Variants in MPDZ observed in about 807,000 individuals in gnomAD.
The protein encoded by MPDZ is multiple PDZ domain crumbs cell polarity complex component, also known as multiple PDZ domain protein.
Under a neutral mutation model 239.1 loss-of-function variants are expected in MPDZ, and 234 were observed. The ratio of observed to expected loss-of-function variants is 0.98; its 90% CI spans 0.88 to 1.09. MPDZ has a LOEUF of 1.09. Ranked by LOEUF, MPDZ falls within the 50% of genes least tolerant of loss-of-function variation. The probability of loss-of-function intolerance (pLI) is 0.00; values close to 1 mark genes in which losing one functional copy is unlikely to be tolerated. For missense variants in MPDZ, 3,175 were observed against 2,510.0 expected (o/e 1.26, Z -5.66); for synonymous variants, 1,048 against 881.3 (o/e 1.19, Z -3.35).
intron 8 of MPDZ, 51 bp from the exon 9 acceptor site, chr9:13,217,345 AAAAC>A: frequency 8.7e-7 from 1 of 1,143,818 alleles, no homozygotes; most frequent in Non-Finnish European, 1.2e-6. Flanking sequence ...AAAAAAACAA[AAAAC>A]AAAAAACAAA....
intron 23 of MPDZ, among the ~76,000 whole-genome samples, chr9:13,158,736 A>C (rs936880668): frequency 2.6e-5 from 4 of 152,198 alleles, no homozygotes; most frequent in African/African-American, 9.6e-5. Flanking sequence ...CCGTTTATGT[A>C]GCAATTTAGA....
intron 3 of MPDZ, among the ~76,000 whole-genome samples, chr9:13,236,702 A>G (rs914947369): frequency 2.6e-5 from 4 of 152,106 alleles, no homozygotes; most frequent in Non-Finnish European, 5.9e-5. Flanking sequence ...ATTTCATAAA[A>G]TATTTATGAA....
intron 35 of MPDZ, among the ~76,000 whole-genome samples, chr9:13,124,855 G>A (rs1944887909): frequency 1.3e-5 from 2 of 152,066 alleles, no homozygotes; most frequent in African/African-American, 2.4e-5. Flanking sequence ...AAGAATCTAC[G>A]AAATGATATT....
chr9:13,250,728 C>T (rs958900304), intron 1 of MPDZ, among the ~76,000 whole-genome samples: 1 of 150,022 alleles, frequency 6.7e-6, no homozygotes, highest in East Asian at 2.0e-4. Context: ...GCTTACTTAA[C>T]TCCACATAAG....
chr9:13,165,288 A>G, intron 22 of MPDZ: 1 of 1,445,884 alleles, frequency 6.9e-7, no homozygotes, highest in East Asian at 2.5e-5. Flanking sequence ...GCATTGGGAC[A>G]TTACAAAAGC....
intron 22 of MPDZ, among the ~76,000 whole-genome samples, chr9:13,165,787 G>T (rs1951005376): frequency 6.6e-6 from 1 of 152,124 alleles, no homozygotes; most frequent in South Asian, 2.1e-4. Context: ...AAATATAAGA[G>T]CTCCTGGCAA....
At position 13,121,855 on chromosome 9, in the gene MPDZ, G is replaced by C. The variant is rs748404009; in HGVS notation, c.5115C>G (p.Arg1705=). The part of the protein sequence containing the change: ...NVLRQTPQRV[R]LTLYRDEAPY... ...GGGCCTCATCTCTGTAGAGTGTCAG[G>C]CGCACTCTCTGTGGCGTCTGTCTCA... Residue 1705 remains arginine (R), a synonymous_variant, in exon 38 of 47, where the codon CGC becomes CGG. Coordinates refer to ENST00000319217, the MANE Select transcript of MPDZ (RefSeq NM_001378778.1). The C allele has an allele frequency of 2.5e-6, 4 of 1,613,718 alleles. No individual in the cohort carries two copies. In the South Asian group the frequency reaches 4.4e-5, roughly 18 times the overall value.
Position 13,247,634 on chromosome 9 carries a change from C to T in MPDZ, c.183+1G>A. 1.2e-6 allele frequency: 2 copies of T among 1,608,946 alleles called. No individual in the cohort carries two copies. The highest frequency in any genetic ancestry group is 1.7e-6 in the Non-Finnish European group (2 of 1,176,044). The stretch of plus-strand genomic sequence containing the variant: ...GCCTGCTTGGGTGAATGATGTCCTA[C>T]CTGGTCTTTCAGCTGCTGTACAGAA... On this transcript the variant is annotated splice_donor_variant, in intron 3 of 46. Transcript: ENST00000319217. LOFTEE classifies it high-confidence loss of function.
chr9:13,150,904 A>G (rs1220399473), intron 24 of MPDZ, among the ~76,000 whole-genome samples: 1 of 152,102 alleles, frequency 6.6e-6, no homozygotes, highest in Non-Finnish European at 1.5e-5. Context: ...GGAAAAAAGT[A>G]TCTGCTAATA....
In MPDZ at chr9:13,108,931, C is replaced by G. The variant is rs1376690765; in HGVS notation, c.6066+5G>C. 6.2e-7 allele frequency: 1 copy of G among 1,609,826 alleles called. No individual in the cohort carries two copies. On this transcript the variant is annotated splice_donor_5th_base_variant and intron_variant, in intron 46 of 46. Transcript: ENST00000319217. ...AAAGAGGGTGGTTAAAATTTGCAAG[C>G]TTACCTTTGCAAACACTGTTTTAAC...
chr9:13,138,602 T>C (rs78743394), intron 28 of MPDZ, among the ~76,000 whole-genome samples: 1,970 of 152,312 alleles, frequency 0.013, 16 homozygotes, highest in African/African-American at 0.036. Context: ...TTGATAGATA[T>C]ATGCAAAATG....
chr9:13,157,937 A>G, intron 24 of MPDZ, 81 bp downstream of exon 24: 1 of 1,172,590 alleles, frequency 8.5e-7, no homozygotes, highest in Non-Finnish European at 1.3e-6. Flanking sequence ...GCAAGTTGTA[A>G]TCCAGTACTT....
At chr9:13,202,108 G>A (rs963780033) in intron 12 of MPDZ, among the ~76,000 whole-genome samples, 1 of 152,126 alleles carries the variant, frequency 6.6e-6, no homozygotes, top group African/African-American at 2.4e-5. Context: ...CTTTGGTGGT[G>A]TTAGAGATTT....
rs753540040 is a variant in MPDZ, at chr9:13,150,573, C to G, written c.3568G>C (p.Val1190Leu). The G allele has an allele frequency of 6.4e-7, 1 of 1,566,744 alleles. No individual in the cohort carries two copies. Among genetic ancestry groups the G allele is most frequent in the Non-Finnish European group, 8.7e-7 (1 of 1,154,656 alleles). The change falls in exon 25 of 47, where the codon GTT (valine) becomes CTT (leucine). Residue 1190 changes from valine (V) to leucine (L), a missense_variant. Transcript: ENST00000319217. ...EVMRGIFIKH[V>L]LEDSPAGKNG... ...TTGCCAGCTGGACTATCTTCCAGAA[C>G]ATGTTTGATGAAAATGCCCCTCATC...
intron 3 of MPDZ, among the ~76,000 whole-genome samples, chr9:13,238,230 T>C (rs1964568422): frequency 6.6e-6 from 1 of 152,156 alleles, no homozygotes; most frequent in Non-Finnish European, 1.5e-5. Context: ...ACTAGGCATG[T>C]TCAAAATGGT....
intron 20 of MPDZ, 62 bp from the exon 21 acceptor site, chr9:13,175,937 A>C: frequency 2.6e-6 from 4 of 1,526,882 alleles, no homozygotes; most frequent in African/African-American, 1.4e-5. Flanking sequence ...TTGGAGCGTG[A>C]TTTCAACATC....
chr9:13,208,120 CT>C (rs1254283036), intron 10 of MPDZ, among the ~76,000 whole-genome samples: 1 of 152,096 alleles, frequency 6.6e-6, no homozygotes, highest in African/African-American at 2.4e-5. Flanking sequence ...CAGATGTTTA[CT>C]AACTTAGTAA....
At chr9:13,122,538 T>G (rs965276622) in intron 36 of MPDZ, among the ~76,000 whole-genome samples, 2 of 151,606 alleles carry the variant, frequency 1.3e-5, no homozygotes, top group Non-Finnish European at 2.9e-5. Context: ...TTTTTTTTTT[T>G]GAGACGTAGT....
chr9:13,129,545 G>C (rs1022769373), intron 32 of MPDZ, among the ~76,000 whole-genome samples: 1 of 151,820 alleles, frequency 6.6e-6, no homozygotes, highest in African/African-American at 2.4e-5. Flanking sequence ...AAGGATAACA[G>C]CATATGAATG....
Sources: gnomAD v4.1 joint callset for allele counts (sites outside exome capture counted in the v4.1 genomes callset) on GRCh38, gnomAD v4.1.1 for gene constraint, MANE v1.5 for transcripts, NCBI Gene and HGNC (gene_info 2026-07-23, HGNC 2026-07-21) for gene names.